RASGRF2: variants seen among roughly 807,000 people sequenced by gnomAD.
The protein encoded by RASGRF2 is Ras protein specific guanine nucleotide releasing factor 2.
In RASGRF2, 76 loss-of-function variants were observed where a neutral mutation model predicts 151.0. The observed-to-expected ratio is 0.50, with a 90% CI of 0.42 to 0.61. The LOEUF (loss-of-function observed/expected upper bound fraction) is 0.61, where lower values mean the gene tolerates loss of function less well. RASGRF2 is among the 20% of genes least tolerant of loss of function. RASGRF2 has a pLI of 0.00. For synonymous variants in RASGRF2, 504 were observed against 566.5 expected (o/e 0.89, Z 1.57); for missense variants, 1,148 against 1,564.6 (o/e 0.73, Z 4.49).
At chr5:81,014,236 A>G (rs1395919568) in intron 1 of RASGRF2, among the ~76,000 whole-genome samples, 1 of 152,122 alleles carries the variant, frequency 6.6e-6, no homozygotes, top group Non-Finnish European at 1.5e-5. Flanking sequence ...TTTGTTTCAT[A>G]CTTGTATTAG....
At chr5:81,128,449 C>T (rs1176395240) in intron 17 of RASGRF2, among the ~76,000 whole-genome samples, 3 of 152,202 alleles carry the variant, frequency 2.0e-5, no homozygotes, top group Non-Finnish European at 4.4e-5. Flanking sequence ...AGGTGAGTCT[C>T]ACTCAGGCGA....
At chr5:80,985,737 T>C (rs912912905) in intron 1 of RASGRF2, among the ~76,000 whole-genome samples, 3 of 152,190 alleles carry the variant, frequency 2.0e-5, no homozygotes, top group Admixed American at 6.5e-5. Context: ...TAGTTATTTT[T>C]AAGTGACCCA....
intron 18 of RASGRF2, among the ~76,000 whole-genome samples, chr5:81,182,680 C>A (rs1042307564): frequency 2.6e-5 from 4 of 152,172 alleles, no homozygotes; most frequent in Admixed American, 2.0e-4. Flanking sequence ...ACACAGTCTT[C>A]GGGCCTCATT....
Position 81,183,215 on chromosome 5 carries a change from G to A in RASGRF2, c.2793+2934G>A, listed in dbSNP as rs193269698. On this transcript the variant is annotated intron_variant, in intron 18 of 26. Coordinates refer to ENST00000265080, the MANE Select transcript of RASGRF2 (RefSeq NM_006909.3). ...TTCGATTTCTAGAAACAGAAAAGCT[G>A]TAGATCCACATCAATCAAGATGTAG... 9,799 of 983,130 alleles carry A rather than the reference G, an allele frequency of 1.0e-2. 45 individuals carry two copies. Among genetic ancestry groups the A allele is most frequent in the Admixed American group, 0.011 (184 of 16,284 alleles). 60.9% of individuals were successfully genotyped at this position (983,130 alleles called of 1,614,324 possible).
chr5:81,099,236 G>A (rs1752628809), intron 12 of RASGRF2, among the ~76,000 whole-genome samples: 1 of 152,120 alleles, frequency 6.6e-6, no homozygotes, highest in Non-Finnish European at 1.5e-5. Context: ...CATACATCAT[G>A]TTTGCTTTTT....
intron 2 of RASGRF2, among the ~76,000 whole-genome samples, chr5:81,054,191 G>C (rs1348351216): frequency 6.6e-6 from 1 of 152,242 alleles, no homozygotes; most frequent in Non-Finnish European, 1.5e-5. Flanking sequence ...TAGACATGAA[G>C]TCGTTGCCCG....
intron 21 of RASGRF2, 130 bp from the exon 22 acceptor site, chr5:81,208,224 A>G: frequency 3.1e-6 from 2 of 654,680 alleles, no homozygotes; most frequent in East Asian, 2.8e-5. Context: ...GGCTGGCAGC[A>G]GCAGGTGTCA....
intron 1 of RASGRF2, among the ~76,000 whole-genome samples, chr5:80,969,916 A>T (rs34991): frequency 0.64 from 92,485 of 145,502 alleles, 29,896 homozygotes; most frequent in African/African-American, 0.79. Context: ...AACCTCCGCG[A>T]CCTGGGTTCA....
intron 17 of RASGRF2, among the ~76,000 whole-genome samples, chr5:81,176,251 T>C (rs1754771535): frequency 6.6e-6 from 1 of 152,232 alleles, no homozygotes. Flanking sequence ...AATTTAAATA[T>C]GGACTACACT....
chr5:81,094,985 TC>T lies in RASGRF2; in HGVS notation c.1749del (p.Ser584ValfsTer12). ...GAGAAAGCTGCCTGGATGAGTGACA[TC>T]AGTCAGGTAAGAAAGTGGCTTTTGC... ...RQEKAAWMSD[I>X]SQCVDNIRCN... On this transcript the variant is annotated frameshift_variant, in exon 12 of 27. Transcript: ENST00000265080. LOFTEE classifies it high-confidence loss of function. 6.6e-7 allele frequency: 1 copy of T among 1,520,278 alleles called. No homozygotes were observed. The highest frequency in any genetic ancestry group is 1.3e-5 in the South Asian group (1 of 74,568). The allele number at this position is 1,520,278 out of a possible 1,614,324, so 94.2% of individuals were successfully genotyped here.
rs533684344 is a variant in RASGRF2 at position 80,982,951 on chromosome 5, T to G, written c.288+21925T>G. Reference sequence around the variant, plus strand: ...GTTTACTGTGGGGAATTTTTCTTGATGTCAAATAGGTCTCCACAAAAATTT... The same window carrying G: ...GTTTACTGTGGGGAATTTTTCTTGAGGTCAAATAGGTCTCCACAAAAATTT... On this transcript the variant is annotated intron_variant, in intron 1 of 26. Coordinates refer to ENST00000265080, the MANE Select transcript of RASGRF2 (RefSeq NM_006909.3). Among the ~76,000 whole-genome samples the G allele has an allele frequency of 3.9e-5, 6 of 152,284 alleles. No individual in the cohort carries two copies. In the South Asian group the frequency reaches 1.2e-3, roughly 32 times the overall value.
At chr5:81,024,995 A>T (rs955722905) in intron 1 of RASGRF2, among the ~76,000 whole-genome samples, 1 of 152,198 alleles carries the variant, frequency 6.6e-6, no homozygotes, top group Admixed American at 6.5e-5. Context: ...CCCATCCAGC[A>T]GGGGTTTCCT....
At chr5:81,111,173 G>A (rs1009150228) in intron 13 of RASGRF2, among the ~76,000 whole-genome samples, 1 of 152,242 alleles carries the variant, frequency 6.6e-6, no homozygotes, top group African/African-American at 2.4e-5. Context: ...CAGATTCTTA[G>A]CAAGCAATTG....
intron 13 of RASGRF2, among the ~76,000 whole-genome samples, chr5:81,111,648 A>G (rs1345295029): frequency 6.6e-6 from 1 of 152,186 alleles, no homozygotes; most frequent in African/African-American, 2.4e-5. Flanking sequence ...AGGCACTCAA[A>G]TCAGGAACTT....
intron 1 of RASGRF2, among the ~76,000 whole-genome samples, chr5:80,973,670 A>C (rs12515295): frequency 0.19 from 28,515 of 152,060 alleles, 3,012 homozygotes; most frequent in East Asian, 0.35. Flanking sequence ...CTGAATTTTC[A>C]AAACAGGTCT....
At chr5:81,013,404 T>C (rs759404914) in intron 1 of RASGRF2, among the ~76,000 whole-genome samples, 16 of 152,154 alleles carry the variant, frequency 1.1e-4, no homozygotes, top group Non-Finnish European at 1.6e-4. Context: ...TCCTCAGTTA[T>C]TCCTCAGACC....
intron 17 of RASGRF2, among the ~76,000 whole-genome samples, chr5:81,139,320 T>C (rs984455523): frequency 3.9e-5 from 6 of 152,114 alleles, no homozygotes; most frequent in Non-Finnish European, 7.3e-5. Flanking sequence ...TCTCTACATA[T>C]AGAATCATTT....
At chr5:81,072,903 T>C (rs1751822210) in intron 4 of RASGRF2, among the ~76,000 whole-genome samples, 1 of 152,178 alleles carries the variant, frequency 6.6e-6, no homozygotes, top group Non-Finnish European at 1.5e-5. Context: ...TTGCAAGTAA[T>C]GGCAGAGCCT....
At chr5:81,035,443 T>C (rs1219880435) in intron 1 of RASGRF2, among the ~76,000 whole-genome samples, 3 of 151,814 alleles carry the variant, frequency 2.0e-5, no homozygotes, top group Non-Finnish European at 4.4e-5. Flanking sequence ...TGGGGAGCAT[T>C]ACACACCAGG....
Sources: gnomAD v4.1 joint callset for allele counts (sites outside exome capture counted in the v4.1 genomes callset) on GRCh38, gnomAD v4.1.1 for gene constraint, MANE v1.5 for transcripts, NCBI Gene and HGNC (gene_info 2026-07-23, HGNC 2026-07-21) for gene names.